NAV2: variants seen among roughly 807,000 people sequenced by gnomAD.
The protein encoded by NAV2 is neuron navigator 2.
NAV2 carries 54 observed loss-of-function variants against 223.2 expected under a neutral mutation model. The observed-to-expected ratio is 0.24, with a 90% CI of 0.19 to 0.30. The LOEUF (loss-of-function observed/expected upper bound fraction) is 0.30. Ranked by LOEUF, NAV2 falls within the 10% of genes least tolerant of loss-of-function variation. The pLI is 1.00. For missense variants in NAV2, 2,806 were observed against 3,147.5 expected, an observed-to-expected ratio of 0.89 and a Z score of 2.60; for synonymous variants, 1,279 against 1,239.3, an observed-to-expected ratio of 1.03 and a Z score of -0.67.
At chr11:19,776,753 C>T (rs537240521) in intron 1 of NAV2, among the ~76,000 whole-genome samples, 24 of 151,430 alleles carry the variant, frequency 1.6e-4, no homozygotes, top group Non-Finnish European at 3.4e-4. Context: ...GCGGCTCTGT[C>T]AACTTGCGTG....
chr11:19,549,301 G>C (rs904572518), intron 1 of NAV2, among the ~76,000 whole-genome samples: 1 of 152,178 alleles, frequency 6.6e-6, no homozygotes, highest in Non-Finnish European at 1.5e-5. Flanking sequence ...GGTTAAAAAA[G>C]GTGATCCTCC....
At chr11:19,616,337 C>CGT (rs558946415) in intron 1 of NAV2, among the ~76,000 whole-genome samples, 1,881 of 22,038 alleles carry the variant, frequency 0.085, 48 homozygotes, top group East Asian at 0.3. Context: ...TGTGTGTGTG[C>CGT]GCGCGCATGA....
In NAV2 at chr11:20,107,752, T is replaced by C. The variant is rs1394966014; in HGVS notation, c.6930T>C (p.Tyr2310=). The C allele has an allele frequency of 6.2e-7, 1 of 1,614,012 alleles. No individual in the cohort carries two copies. Among genetic ancestry groups the C allele is most frequent in the South Asian group, 1.1e-5 (1 of 91,070 alleles). ...TDLWNYSIIP[Y]LLEAVREGLQ... is the part of the protein sequence containing the mutation. Reference sequence around the variant, plus strand: ...TGTGGAACTATTCCATTATCCCCTATCTCCTGGAAGCCGTCAGAGAAGGAC... The same window carrying C: ...TGTGGAACTATTCCATTATCCCCTACCTCCTGGAAGCCGTCAGAGAAGGAC... Residue 2310 remains tyrosine, a synonymous_variant, in exon 36 of 38, where the codon TAT becomes TAC. Coordinates refer to ENST00000349880, the MANE Select transcript of NAV2 (RefSeq NM_145117.5).
At chr11:19,743,551 T>C (rs2053047756) in intron 1 of NAV2, among the ~76,000 whole-genome samples, 20 of 152,226 alleles carry the variant, frequency 1.3e-4, no homozygotes, top group Admixed American at 1.3e-3. Context: ...TTGTCAGTTC[T>C]AGGCATGAGG....
intron 1 of NAV2, among the ~76,000 whole-genome samples, chr11:19,562,987 C>A (rs1267996961): frequency 2.0e-5 from 3 of 152,018 alleles, no homozygotes; most frequent in Non-Finnish European, 4.4e-5. Flanking sequence ...ACCTCACCTA[C>A]CTAGAGAAGG....
At chr11:19,585,738 C>G (rs1565075115) in intron 1 of NAV2, among the ~76,000 whole-genome samples, 1 of 152,204 alleles carries the variant, frequency 6.6e-6, no homozygotes, top group Non-Finnish European at 1.5e-5. Context: ...AGAGTTTCTA[C>G]TAAGAGATCC....
intron 6 of NAV2, among the ~76,000 whole-genome samples, chr11:19,897,903 T>TATATATATATATATATATATACAC (rs927166131): frequency 2.0e-5 from 3 of 147,524 alleles, no homozygotes; most frequent in Admixed American, 6.7e-5. Flanking sequence ...TATATATATA[T>TATATATATATATATATATATACAC]ATGTGAGCAG....
intron 1 of NAV2, among the ~76,000 whole-genome samples, chr11:19,540,449 T>A (rs1324351871): frequency 6.6e-6 from 1 of 152,234 alleles, no homozygotes; most frequent in East Asian, 1.9e-4. Flanking sequence ...CAAGTACTCA[T>A]GGTGATTCTG....
intron 1 of NAV2, among the ~76,000 whole-genome samples, chr11:19,523,345 G>A (rs956133779): frequency 6.6e-6 from 1 of 150,908 alleles, no homozygotes; most frequent in African/African-American, 2.5e-5. Flanking sequence ...TGGGGCACAG[G>A]CTCTGGAGTC....
intron 6 of NAV2, among the ~76,000 whole-genome samples, chr11:19,925,610 G>A (rs528834408): frequency 4.6e-5 from 7 of 152,224 alleles, no homozygotes; most frequent in Middle Eastern, 3.4e-3. Flanking sequence ...TTAGCCGAGC[G>A]TGGTGGTGCA....
intron 1 of NAV2, among the ~76,000 whole-genome samples, chr11:19,727,062 C>T (rs1046818656): frequency 6.6e-6 from 1 of 152,200 alleles, no homozygotes; most frequent in South Asian, 2.1e-4. Context: ...TCTTACATCT[C>T]TCATGTTGCT....
intron 22 of NAV2, among the ~76,000 whole-genome samples, chr11:20,072,477 CA>C (rs1198064526): frequency 6.6e-6 from 1 of 152,030 alleles, no homozygotes; most frequent in Non-Finnish European, 1.5e-5. Flanking sequence ...TGAAGAAAGT[CA>C]TTGGTAGCTT....
chr11:19,956,058 T>A (rs998651078), intron 10 of NAV2, among the ~76,000 whole-genome samples: 2 of 152,044 alleles, frequency 1.3e-5, no homozygotes, highest in African/African-American at 4.8e-5. Flanking sequence ...GCTTGGGAAG[T>A]TCAGGTTGCC....
chr11:19,703,062 TAC>T (rs2049555771), intron 1 of NAV2, among the ~76,000 whole-genome samples: 1 of 151,570 alleles, frequency 6.6e-6, no homozygotes, highest in African/African-American at 2.4e-5. Flanking sequence ...TATACGTATG[TAC>T]ACACACATAA....
the NAV2 span, among the ~76,000 whole-genome samples, chr11:19,345,282 G>A: frequency 6.6e-6 from 1 of 152,230 alleles, no homozygotes; most frequent in Non-Finnish European, 1.5e-5. The surrounding 1 kb of genome is among the most constrained non-coding windows in gnomAD (Gnocchi z 5.2). Flanking sequence ...GGCTGGAGGA[G>A]GCGGCTCCGC....
chr11:20,052,342 G>A (rs116321297), intron 17 of NAV2, among the ~76,000 whole-genome samples: 2,625 of 152,328 alleles, frequency 0.017, 76 homozygotes, highest in African/African-American at 0.06. Context: ...AATCTAAGAA[G>A]GAAAGTATTA....
chr11:19,767,699 T>C (rs1429183223), intron 1 of NAV2, among the ~76,000 whole-genome samples: 1 of 152,230 alleles, frequency 6.6e-6, no homozygotes, highest in East Asian at 1.9e-4. Flanking sequence ...CATTATAATC[T>C]GCATGTGCAG....
chr11:19,669,790 C>CTGA (rs1273252803), intron 1 of NAV2, among the ~76,000 whole-genome samples: 1 of 152,216 alleles, frequency 6.6e-6, no homozygotes, highest in African/African-American at 2.4e-5. Context: ...CTTTTAAGGA[C>CTGA]AAGTGCCAAT....
chr11:19,379,499 C>A (rs1350055775), intron 1 of NAV2, among the ~76,000 whole-genome samples: 1 of 152,146 alleles, frequency 6.6e-6, no homozygotes, highest in Non-Finnish European at 1.5e-5. Context: ...CTGTCCATTT[C>A]CTAGTTATGT....
Sources: allele counts gnomAD v4.1 joint callset (sites outside exome capture counted in the v4.1 genomes callset), GRCh38; gene constraint gnomAD v4.1.1; non-coding constraint Gnocchi (gnomAD v3.1); transcripts MANE v1.5; gene names NCBI Gene and HGNC (gene_info 2026-07-23, HGNC 2026-07-21).